Variants in EML4 observed in about 807,000 individuals in gnomAD.
EML4 encodes EMAP like 4.
In EML4, 72 loss-of-function variants were observed where a neutral mutation model predicts 129.0. That is an observed-to-expected ratio of 0.56 (90% CI 0.46 to 0.68). EML4 has a LOEUF of 0.68. EML4 is among the 30% of genes least tolerant of loss of function. The probability of loss-of-function intolerance (pLI) is 0.00; values close to 1 mark genes in which losing one functional copy is unlikely to be tolerated. For synonymous variants in EML4, 532 were observed against 405.0 expected, an observed-to-expected ratio of 1.31 and a Z score of -3.77; for missense variants, 1,363 against 1,190.6, an observed-to-expected ratio of 1.14 and a Z score of -2.13.
intron 3 of EML4, 55 bp from the exon 4 acceptor site, chr2:42,261,066 A>G: frequency 7.5e-7 from 1 of 1,337,306 alleles, no homozygotes; most frequent in Non-Finnish European, 1.0e-6. Flanking sequence ...CTATCGTTTG[A>G]TTTTTTTTCA....
At chr2:42,232,379 A>G (rs1674402973) in intron 1 of EML4, among the ~76,000 whole-genome samples, 2 of 152,212 alleles carry the variant, frequency 1.3e-5, no homozygotes, top group South Asian at 4.1e-4. Flanking sequence ...CTAAGCAATC[A>G]TTTAATTTGG....
intron 1 of EML4, among the ~76,000 whole-genome samples, chr2:42,235,443 A>G (rs974213229): frequency 2.6e-5 from 4 of 152,308 alleles, no homozygotes; most frequent in African/African-American, 9.6e-5. Flanking sequence ...AGCCTGGGCA[A>G]CAGAGCCAGA....
At position 42,217,367 on chromosome 2, in the gene EML4, C is replaced by T. The variant is rs538189168; in HGVS notation, c.26-28138C>T. ...AAAGCAATTCTTGATTGTCAAGATT[C>T]GTTCTTCTCAGAATTAACCTTTACT... On this transcript the variant is annotated intron_variant, in intron 1 of 22. Transcript: ENST00000318522. 2.1e-4 allele frequency among the ~76,000 whole-genome samples: 32 copies of T among 152,082 alleles called. No homozygotes were observed. In the East Asian group the frequency reaches 4.8e-3, roughly 23 times the overall value.
chr2:42,323,567 A>G (rs2103819323), intron 19 of EML4, among the ~76,000 whole-genome samples: 1 of 152,340 alleles, frequency 6.6e-6, no homozygotes, highest in South Asian at 2.1e-4. Context: ...GAAGGGTACT[A>G]AAAGAATTAG....
At chr2:42,316,955 C>T (rs1484436538) in intron 18 of EML4, among the ~76,000 whole-genome samples, 1 of 152,104 alleles carries the variant, frequency 6.6e-6, no homozygotes, top group Non-Finnish European at 1.5e-5. Context: ...ATATAGCTGT[C>T]GAATTCCAGA....
intron 1 of EML4, among the ~76,000 whole-genome samples, chr2:42,244,452 A>G (rs1461717889): frequency 6.6e-6 from 1 of 152,186 alleles, no homozygotes; most frequent in Non-Finnish European, 1.5e-5. Context: ...ATACAGTAGT[A>G]TAGTCTAAAG....
At chr2:42,212,642 A>G (rs537910673) in intron 1 of EML4, among the ~76,000 whole-genome samples, 4 of 152,344 alleles carry the variant, frequency 2.6e-5, no homozygotes, top group Admixed American at 6.5e-5. Flanking sequence ...ATAAAATGGC[A>G]TGACACCCAC....
intron 5 of EML4, among the ~76,000 whole-genome samples, chr2:42,264,114 T>TTG (rs1232831959): frequency 7.0e-6 from 1 of 143,410 alleles, no homozygotes; most frequent in East Asian, 2.1e-4. Flanking sequence ...TTTTTTTTTT[T>TTG]TTTTTTTTTT....
At chr2:42,311,618 G>C (rs1047980797) in intron 17 of EML4, among the ~76,000 whole-genome samples, 9 of 152,154 alleles carry the variant, frequency 5.9e-5, no homozygotes, top group Non-Finnish European at 5.9e-5. Context: ...AAACTCACCT[G>C]ATACAGAGCA....
At chr2:42,202,729 G>A (rs755703118) in intron 1 of EML4, among the ~76,000 whole-genome samples, 27 of 152,228 alleles carry the variant, frequency 1.8e-4, no homozygotes, top group African/African-American at 5.5e-4. Context: ...TGCCCACCCC[G>A]ATTGAGGGTA....
chr2:42,292,636 A>G lies in EML4; in HGVS notation c.1219-2489A>G, dbSNP rs746041448. On this transcript the variant is annotated intron_variant, in intron 11 of 22. Transcript: ENST00000318522. ...GGGATAGTGACTGGAAAGGGGATCTAGGGTATTTATGGAAGGTTAGTAATG... is the reference window on the plus strand; with the variant it reads ...GGGATAGTGACTGGAAAGGGGATCTGGGGTATTTATGGAAGGTTAGTAATG... 2.6e-5 allele frequency among the ~76,000 whole-genome samples: 4 copies of G among 152,332 alleles called. No individual in the cohort carries two copies. The East Asian group carries it at 7.7e-4, about 29-fold the overall frequency.
intron 3 of EML4, 26 bp downstream of exon 3, chr2:42,256,656 A>C (rs1676172010): frequency 6.2e-7 from 1 of 1,612,486 alleles, no homozygotes; most frequent in Admixed American, 1.7e-5. Flanking sequence ...AGGGGGAAAA[A>C]CTAACATTGC....
intron 1 of EML4, among the ~76,000 whole-genome samples, chr2:42,192,413 T>C: frequency 6.6e-6 from 1 of 152,070 alleles, no homozygotes; most frequent in Non-Finnish European, 1.5e-5. Context: ...GTAATTTTTA[T>C]ATTTTTAGTA....
intron 4 of EML4, among the ~76,000 whole-genome samples, chr2:42,262,109 C>A (rs1261922454): frequency 2.6e-5 from 4 of 151,984 alleles, no homozygotes; most frequent in African/African-American, 9.7e-5. Context: ...ACTATTAAAC[C>A]ATTTCCAGAA....
intron 6 of EML4, among the ~76,000 whole-genome samples, chr2:42,271,053 C>T (rs1482507632): frequency 6.6e-6 from 1 of 152,098 alleles, no homozygotes; most frequent in Non-Finnish European, 1.5e-5. Flanking sequence ...TGCCACTGTG[C>T]CCAGCTAGTT....
At chr2:42,297,017 T>A (rs1363365306) in intron 13 of EML4, among the ~76,000 whole-genome samples, 1 of 152,214 alleles carries the variant, frequency 6.6e-6, no homozygotes, top group African/African-American at 2.4e-5. Context: ...TTAGACCTAT[T>A]AAGAAGTTTA....
At chr2:42,263,428 CAG>C (rs1665861083) in intron 5 of EML4, 122 bp downstream of exon 5, 1 of 822,574 alleles carries the variant, frequency 1.2e-6, no homozygotes, top group East Asian at 3.7e-5. Flanking sequence ...TTTTTTGTGA[CAG>C]AGTCTTGCTC....
chr2:42,215,160 A>C (rs1226963179), intron 1 of EML4, among the ~76,000 whole-genome samples: 3 of 152,178 alleles, frequency 2.0e-5, no homozygotes, highest in African/African-American at 7.2e-5. Context: ...CTCAGTCTCA[A>C]GTGATCCTCA....
chr2:42,265,396 C>T (rs1341309963), intron 6 of EML4, among the ~76,000 whole-genome samples: 11 of 152,006 alleles, frequency 7.2e-5, no homozygotes, highest in African/African-American at 2.7e-4. Context: ...TGAGCCATGG[C>T]ACCCGGCCAA....
Sources: allele counts gnomAD v4.1 joint callset (sites outside exome capture counted in the v4.1 genomes callset), GRCh38; gene constraint gnomAD v4.1.1; transcripts MANE v1.5; gene names NCBI Gene and HGNC (gene_info 2026-07-23, HGNC 2026-07-21).